The following INSC variants were observed in gnomAD, a reference collection of about 807,000 sequenced individuals.
INSC encodes the protein protein inscuteable homolog.
INSC carries 67 observed loss-of-function variants against 58.6 expected under a neutral mutation model. That is an observed-to-expected ratio of 1.14 (90% CI 0.94 to 1.40). The LOEUF is 1.40. INSC is among the 40% of genes most tolerant of loss of function. INSC has a pLI of 0.00. For synonymous variants in INSC, 262 were observed against 276.1 expected (o/e 0.95, Z 0.51); for missense variants, 714 against 692.0 (o/e 1.03, Z -0.36).
At chr11:15,168,292 A>G (rs1182812963) in intron 2 of INSC, among the ~76,000 whole-genome samples, 1 of 151,882 alleles carries the variant, frequency 6.6e-6, no homozygotes, top group Non-Finnish European at 1.5e-5. Context: ...GACAGGCCCT[A>G]GTGTGTATTG....
At chr11:15,259,966 T>C in the INSC span, among the ~76,000 whole-genome samples, 1 of 152,164 alleles carries the variant, frequency 6.6e-6, no homozygotes, top group African/African-American at 2.4e-5. Context: ...TGTACTCTGA[T>C]GTGAGAGAGA....
the INSC span, among the ~76,000 whole-genome samples, chr11:15,266,232 C>T: frequency 6.6e-6 from 1 of 150,964 alleles, no homozygotes. Context: ...AGAATAAGAT[C>T]AAGATCAATA....
At chr11:15,193,448 C>G (rs1450866782) in intron 6 of INSC, among the ~76,000 whole-genome samples, 1 of 152,180 alleles carries the variant, frequency 6.6e-6, no homozygotes, top group Non-Finnish European at 1.5e-5. Flanking sequence ...CCCCCATCCC[C>G]CCACTCCACA....
chr11:15,140,093 C>T (rs1457681860), intron 1 of INSC, among the ~76,000 whole-genome samples: 7 of 152,104 alleles, frequency 4.6e-5, no homozygotes, highest in African/African-American at 7.2e-5. Flanking sequence ...CAAGCTCCTT[C>T]GGGGGTGCTG....
At chr11:15,176,523 A>G (rs1028276923) in intron 3 of INSC, among the ~76,000 whole-genome samples, 1 of 152,160 alleles carries the variant, frequency 6.6e-6, no homozygotes. Context: ...GAATTGTTAT[A>G]TGCAAAACAC....
chr11:15,259,365 G>T, the INSC span, among the ~76,000 whole-genome samples: 23 of 152,174 alleles, frequency 1.5e-4, 1 homozygote, highest in East Asian at 7.7e-4. Flanking sequence ...AAAATTAAAA[G>T]AATTCTATTG....
chr11:15,170,409 C>T (rs1331532798), intron 2 of INSC, among the ~76,000 whole-genome samples: 1 of 152,052 alleles, frequency 6.6e-6, no homozygotes, highest in Non-Finnish European at 1.5e-5. Flanking sequence ...ACCTTGACCA[C>T]TTTGAAGAGT....
In INSC at chr11:15,178,242, G is replaced by A. The variant is rs150223032; in HGVS notation, c.456-82G>A. On this transcript the variant is annotated intron_variant, in intron 4 of 12. Transcript: ENST00000379556. ...TTCAGCACACACCAGGCTTGTAGCA[G>A]GTCCAGTTCTGGCCCGTGCAACATT... The A allele has an allele frequency of 2.3e-5, 35 of 1,553,338 alleles. No homozygotes were observed. In the East Asian group the frequency reaches 7.9e-4, roughly 35 times the overall value.
chr11:15,252,259 G>C, the INSC span, among the ~76,000 whole-genome samples: 2 of 152,292 alleles, frequency 1.3e-5, no homozygotes, highest in South Asian at 4.1e-4. Context: ...AATGAATATG[G>C]AGTTTCTTTT....
chr11:15,239,151 C>A, intron 11 of INSC, 77 bp downstream of exon 11: 1 of 1,505,288 alleles, frequency 6.6e-7, no homozygotes, highest in Non-Finnish European at 8.9e-7. Flanking sequence ...TTCACAGTGG[C>A]AACAGTGGAC....
intron 1 of INSC, among the ~76,000 whole-genome samples, chr11:15,146,613 C>G (rs1334242806): frequency 2.6e-5 from 4 of 152,154 alleles, no homozygotes; most frequent in African/African-American, 9.7e-5. Flanking sequence ...AGGCTTATTG[C>G]AGTTTCCTCA....
chr11:15,128,164 C>T (rs1407667833), intron 1 of INSC, among the ~76,000 whole-genome samples: 2 of 151,994 alleles, frequency 1.3e-5, no homozygotes, highest in African/African-American at 4.8e-5. Flanking sequence ...TATAACATTC[C>T]AGATCTCTTG....
At chr11:15,111,718 C>A (rs1847580377), upstream of INSC, among the ~76,000 whole-genome samples, 1 of 152,174 alleles carries the variant, frequency 6.6e-6, no homozygotes, top group African/African-American at 2.4e-5. Context: ...CCTGGCCTCC[C>A]TTTTCTGTGT....
intron 1 of INSC, among the ~76,000 whole-genome samples, chr11:15,134,694 C>T (rs1380835334): frequency 6.6e-6 from 1 of 152,156 alleles, no homozygotes; most frequent in Non-Finnish European, 1.5e-5. Context: ...CAATTAGTCT[C>T]ATTAATTAAG....
intron 2 of INSC, among the ~76,000 whole-genome samples, chr11:15,173,520 T>G (rs1412878577): frequency 6.6e-6 from 1 of 152,186 alleles, no homozygotes; most frequent in East Asian, 1.9e-4. Flanking sequence ...AATATAAAAT[T>G]AAATATGATT....
the INSC span, among the ~76,000 whole-genome samples, chr11:15,258,020 G>A: frequency 6.6e-6 from 1 of 152,168 alleles, no homozygotes; most frequent in Admixed American, 6.5e-5. Context: ...GGATTGAAGA[G>A]GAGCATATGA....
At chr11:15,122,029 A>C (rs550135862) in intron 1 of INSC, among the ~76,000 whole-genome samples, 1 of 152,344 alleles carries the variant, frequency 6.6e-6, no homozygotes, top group Non-Finnish European at 1.5e-5. Flanking sequence ...CTTTTAGTCG[A>C]AAATGGTATT....
chr11:15,208,657 G>A (rs1300111993), intron 7 of INSC, among the ~76,000 whole-genome samples: 1 of 152,186 alleles, frequency 6.6e-6, no homozygotes, highest in Non-Finnish European at 1.5e-5. Flanking sequence ...AGGAAGGCTC[G>A]GGGACTGCGC....
At chr11:15,236,555 A>C (rs531077647) in intron 10 of INSC, among the ~76,000 whole-genome samples, 1 of 152,292 alleles carries the variant, frequency 6.6e-6, no homozygotes, top group East Asian at 1.9e-4. Context: ...CTTGTGCTGA[A>C]CATGTCACCA....
Sources: gnomAD v4.1 joint callset for allele counts (sites outside exome capture counted in the v4.1 genomes callset) on GRCh38, gnomAD v4.1.1 for gene constraint, MANE v1.5 for transcripts, NCBI Gene and HGNC (gene_info 2026-07-23, HGNC 2026-07-21) for gene names.